Variants in SLC5A9 observed in about 807,000 individuals in gnomAD.
SLC5A9 encodes solute carrier family 5 member 9.
SLC5A9 carries 59 observed loss-of-function variants against 70.9 expected under a neutral mutation model. The ratio of observed to expected loss-of-function variants is 0.83; its 90% CI spans 0.68 to 1.03. The LOEUF (loss-of-function observed/expected upper bound fraction) is 1.03, where lower values mean the gene tolerates loss of function less well. Ranked by LOEUF, SLC5A9 falls within the 50% of genes least tolerant of loss-of-function variation. SLC5A9 has a pLI of 0.00. For synonymous variants in SLC5A9, 340 were observed against 346.5 expected (o/e 0.98, Z 0.21); for missense variants, 832 against 881.1 (o/e 0.94, Z 0.71).
chr1:48,227,177 G>A (rs1324960603), intron 2 of SLC5A9, among the ~76,000 whole-genome samples: 12 of 85,744 alleles, frequency 1.4e-4, no homozygotes, highest in South Asian at 8.3e-4. Context: ...GTGTGTGTGC[G>A]TGTGTGTGTG....
chr1:48,229,529 T>C, intron 4 of SLC5A9, 70 bp downstream of exon 4: 1 of 1,577,632 alleles, frequency 6.3e-7, no homozygotes, highest in East Asian at 2.3e-5. Flanking sequence ...TGCATCACCA[T>C]GTGCGTGTTG....
intron 13 of SLC5A9, 85 bp from the exon 14 acceptor site, chr1:48,247,250 C>A: frequency 8.0e-7 from 1 of 1,255,928 alleles, no homozygotes; most frequent in Non-Finnish European, 1.1e-6. Flanking sequence ...CTCTCCCTCC[C>A]CTACTCTCCT....
At chr1:48,243,986 T>A (rs1644421594) in intron 13 of SLC5A9, among the ~76,000 whole-genome samples, 1 of 152,040 alleles carries the variant, frequency 6.6e-6, no homozygotes, top group South Asian at 2.1e-4. Flanking sequence ...AGATGTAGGG[T>A]TTACACCAAA....
chr1:48,227,882 C>G (rs949829989), intron 2 of SLC5A9: 3 of 152,148 alleles, frequency 2.0e-5, no homozygotes, highest in African/African-American at 4.8e-5. Flanking sequence ...GAAGCTGAGG[C>G]GTTGATAGAG....
chr1:48,243,587 A>G (rs1157243302), intron 13 of SLC5A9, among the ~76,000 whole-genome samples: 2 of 152,216 alleles, frequency 1.3e-5, no homozygotes, highest in African/African-American at 4.8e-5. Context: ...GATTTTTTCA[A>G]TTATAGAATT....
At position 48,239,498 on chromosome 1, in the gene SLC5A9, CA is replaced by C. The variant is rs1644368549; in HGVS notation, c.1639del (p.Ile547LeufsTer91). The C allele has an allele frequency of 6.2e-7, 1 of 1,614,094 alleles. No homozygotes were observed. Among genetic ancestry groups the C allele is most frequent in the African/African-American group, 1.3e-5 (1 of 74,942 alleles). On this transcript the variant is annotated frameshift_variant, in exon 12 of 14. Transcript: ENST00000438567. LOFTEE classifies it high-confidence loss of function. The surrounding 1 kb of genome is among the most constrained non-coding windows in gnomAD (Gnocchi z 4.2). ...LCGLTAIVIV[I>X]VSLCTTPIPE... ...GCGGGCTCACTGCCATCGTCATTGT[CA>C]TTGTCAGCCTCTGTACAACTCCCAT...
intron 1 of SLC5A9, among the ~76,000 whole-genome samples, chr1:48,224,422 G>C (rs1431332492): frequency 2.0e-5 from 3 of 152,198 alleles, no homozygotes; most frequent in South Asian, 2.1e-4. Flanking sequence ...ACTTTGGGGA[G>C]GGAAGGATAA....
chr1:48,226,002 G>A (rs1644140533), intron 2 of SLC5A9, among the ~76,000 whole-genome samples: 1 of 152,092 alleles, frequency 6.6e-6, no homozygotes, highest in African/African-American at 2.4e-5. Context: ...AAACACAGGA[G>A]GCCTCCAGGG....
At chr1:48,231,813 C>G (rs1644251846) in intron 6 of SLC5A9, 133 bp from the exon 7 acceptor site, 1 of 1,523,810 alleles carries the variant, frequency 6.6e-7, no homozygotes, top group Admixed American at 2.0e-5. Context: ...TGAGCCCAAG[C>G]CCCATCTTCC....
At chr1:48,229,960 C>T (rs1221037105) in intron 4 of SLC5A9, among the ~76,000 whole-genome samples, 1 of 152,214 alleles carries the variant, frequency 6.6e-6, no homozygotes, top group African/African-American at 2.4e-5. Flanking sequence ...ACAAAACAAT[C>T]ATGGAATGGT....
Position 48,239,617 on chromosome 1 carries a change from A to G in SLC5A9, c.1677+80A>G. 1 of 1,377,634 alleles carries G rather than the reference A, an allele frequency of 7.3e-7. No individual in the cohort carries two copies. Among genetic ancestry groups the G allele is most frequent in the Non-Finnish European group, 1.0e-6 (1 of 973,810 alleles). 85.3% of individuals were successfully genotyped at this position (1,377,634 alleles called of 1,614,324 possible). On this transcript the variant is annotated intron_variant, in intron 12 of 13. Coordinates refer to ENST00000438567, the MANE Select transcript of SLC5A9 (RefSeq NM_001011547.3). The surrounding 1 kb of genome is among the most constrained non-coding windows in gnomAD (Gnocchi z 4.2). ...GCCTAGAATTCCACTGCTGACTTTT[A>G]CTCTGTTGGGTTATGGTCTCCCCTG...
At position 48,232,492 on chromosome 1, in the gene SLC5A9, C is replaced by T; in HGVS notation, c.1023C>T (p.Ala341=). The change falls in exon 8 of 14, where the codon GCC becomes GCT. Residue 341 remains alanine (A), a synonymous_variant. Coordinates refer to ENST00000438567, the MANE Select transcript of SLC5A9 (RefSeq NM_001011547.3). ...FIVMPGMISR[A]LFPDEVGCVD... The stretch of plus-strand genomic sequence containing the variant: ...TCATGCCTGGCATGATCAGCCGGGC[C>T]CTGTTCCCAGGTAAGAACGAGCCTT... The T allele has an allele frequency of 3.7e-6, 6 of 1,614,148 alleles. No individual in the cohort carries two copies. The highest frequency in any genetic ancestry group is 5.1e-6 in the Non-Finnish European group (6 of 1,180,020).
rs753970349 is a variant in SLC5A9 at position 48,222,881 on chromosome 1, A to G, written c.145A>G (p.Ile49Val). ...SVVVIYFVFV[I>V]AVGIWSSIRA... ...GGTGGTCATCTACTTTGTCTTCGTC[A>G]TTGCTGTGGGGATCTGGGTAAGTGG... Residue 49 changes from isoleucine to valine, a missense_variant, in exon 1 of 14, where the codon ATT (isoleucine) becomes GTT (valine). Physicochemically the swap from Ile to Val is conservative, Grantham distance 29 (BLOSUM62 3). Coordinates refer to ENST00000438567, the MANE Select transcript of SLC5A9 (RefSeq NM_001011547.3). 6.2e-6 allele frequency: 10 copies of G among 1,613,820 alleles called. No individual in the cohort carries two copies. Among genetic ancestry groups the G allele is most frequent in the Non-Finnish European group, 8.5e-6 (10 of 1,179,984 alleles).
intron 2 of SLC5A9, among the ~76,000 whole-genome samples, chr1:48,225,439 T>G (rs1259311269): frequency 6.6e-6 from 1 of 152,014 alleles, no homozygotes; most frequent in African/African-American, 2.4e-5. Context: ...GAGCCACAAT[T>G]TCTCCCATCA....
rs761623507 is a variant in SLC5A9, at chr1:48,239,524, T to G, written c.1664T>G (p.Ile555Ser). 6.2e-7 allele frequency: 1 copy of G among 1,614,096 alleles called. No individual in the cohort carries two copies. The highest frequency in any genetic ancestry group is 1.1e-5 in the South Asian group (1 of 91,082). ...IVIVSLCTTP[I>S]PEEQLTRLTW... ...ATTGTCAGCCTCTGTACAACTCCCA[T>G]CCCTGAGGAACAGGCAAGTGTTGTG... The change falls in exon 12 of 14, where the codon ATC (isoleucine) becomes AGC (serine). Residue 555 changes from isoleucine (I) to serine (S), a missense_variant. Ile to Ser is a moderately radical substitution (Grantham distance 142). Coordinates refer to ENST00000438567, the MANE Select transcript of SLC5A9 (RefSeq NM_001011547.3). This position sits in a 1 kb window ranked among gnomAD's most constrained non-coding sequence, Gnocchi z 4.2.
Position 48,228,858 on chromosome 1 carries a change from A to C in SLC5A9, c.243A>C (p.Ala81=), listed in dbSNP as rs777095802. ...CCAACTGTGCCTTGCAGATTGGAGC[A>C]TCTCTGATGTCCAGCAATGTGGGCA... ...GRSMSWWPIG[A]SLMSSNVGSG... Residue 81 remains alanine, a synonymous_variant, in exon 3 of 14, where the codon GCA becomes GCC. Coordinates refer to ENST00000438567, the MANE Select transcript of SLC5A9 (RefSeq NM_001011547.3). 6.2e-7 allele frequency: 1 copy of C among 1,613,804 alleles called. No individual in the cohort carries two copies. Among genetic ancestry groups the C allele is most frequent in the Non-Finnish European group, 8.5e-7 (1 of 1,179,916 alleles).
rs747122935 is a variant in SLC5A9, at chr1:48,232,118, A to C, written c.864A>C (p.Thr288=). 5 of 1,614,020 alleles carry C rather than the reference A, an allele frequency of 3.1e-6. No individual in the cohort carries two copies. The South Asian group carries it at 5.5e-5, about 18-fold the overall frequency. ...GGCCAGGTCTCATTTTCGGGCTCAC[A>C]GTGCTGGCCACCTGGTGTTGGTGCA... ...IPWPGLIFGL[T]VLATWCWCTD... is the part of the protein sequence containing the mutation. The change falls in exon 7 of 14, where the codon ACA becomes ACC. Residue 288 remains threonine (T), a synonymous_variant. Coordinates refer to ENST00000438567, the MANE Select transcript of SLC5A9 (RefSeq NM_001011547.3).
chr1:48,227,205 AGTGCATGTGTGT>A (rs1644165625), intron 2 of SLC5A9, among the ~76,000 whole-genome samples: 1 of 77,724 alleles, frequency 1.3e-5, no homozygotes, highest in African/African-American at 4.3e-5. Flanking sequence ...CCTGTGTGTG[AGTGCATGTGTGT>A]GTGCATGTGT....
rs1216326098 is a variant in SLC5A9 at position 48,247,451 on chromosome 1, A to G, written c.1954A>G (p.Ile652Val). The G allele has an allele frequency of 1.9e-6, 3 of 1,614,188 alleles. No homozygotes were observed. Among genetic ancestry groups the G allele is most frequent in the Admixed American group, 1.7e-5 (1 of 60,016 alleles). The change falls in exon 14 of 14, where the codon ATT (isoleucine) becomes GTT (valine). Residue 652 changes from isoleucine (I) to valine (V), a missense_variant. Ile to Val is a conservative substitution (Grantham distance 29, BLOSUM62 3). Transcript: ENST00000438567. ...KAALEQKLTS[I>V]EEEPLWRHVC... is the part of the protein sequence containing the mutation. ...TGCGCTAGAACAGAAGCTGACAAGCATTGAGGAGGAGCCACTCTGGAGACA... is the reference window on the plus strand; with the variant it reads ...TGCGCTAGAACAGAAGCTGACAAGCGTTGAGGAGGAGCCACTCTGGAGACA...
Sources: allele counts gnomAD v4.1 joint callset (sites outside exome capture counted in the v4.1 genomes callset), GRCh38; gene constraint gnomAD v4.1.1; non-coding constraint Gnocchi (gnomAD v3.1); transcripts MANE v1.5; gene names NCBI Gene and HGNC (gene_info 2026-07-23, HGNC 2026-07-21).